NBAS: variants seen among roughly 807,000 people sequenced by gnomAD.
The protein encoded by NBAS is NAG/BC035112 fusion.
NBAS carries 219 observed loss-of-function variants against 302.5 expected under a neutral mutation model. That is an observed-to-expected ratio of 0.72 (90% CI 0.65 to 0.81). The LOEUF (loss-of-function observed/expected upper bound fraction) is 0.81. Among genes scored for constraint, NBAS ranks in the 30% least tolerant of loss-of-function variants. The pLI is 0.00. For missense variants in NBAS, 2,932 were observed against 2,841.6 expected (o/e 1.03, Z -0.72); for synonymous variants, 1,118 against 1,021.6 (o/e 1.09, Z -1.80).
At chr2:15,069,043 A>C in the NBAS span, among the ~76,000 whole-genome samples, 1 of 151,882 alleles carries the variant, frequency 6.6e-6, no homozygotes, top group Non-Finnish European at 1.5e-5. Context: ...CACCGGTCCT[A>C]CTCCCATGAC....
At chr2:15,113,694 G>A in the NBAS span, among the ~76,000 whole-genome samples, 3 of 151,892 alleles carry the variant, frequency 2.0e-5, no homozygotes, top group Admixed American at 1.3e-4. Flanking sequence ...ATTATCTTTA[G>A]AGGATTCTTT....
At chr2:15,467,941 A>G in intron 17 of NBAS, 137 bp from the exon 18 acceptor site, 4 of 798,526 alleles carry the variant, frequency 5.0e-6, no homozygotes. Context: ...AACTTTTGCC[A>G]TTGTAAACAA....
intron 12 of NBAS, among the ~76,000 whole-genome samples, chr2:15,487,970 A>T (rs746352314): frequency 3.9e-5 from 6 of 152,212 alleles, no homozygotes; most frequent in Non-Finnish European, 5.9e-5. Context: ...TAAAACAAAT[A>T]AATTTAAACC....
chr2:15,343,518 C>A (rs1373946000), intron 35 of NBAS, among the ~76,000 whole-genome samples: 1 of 152,080 alleles, frequency 6.6e-6, no homozygotes, highest in Non-Finnish European at 1.5e-5. Context: ...CATTTGCCAT[C>A]TTTGTGTGTA....
the NBAS span, among the ~76,000 whole-genome samples, chr2:14,975,623 C>T: frequency 6.6e-6 from 1 of 152,134 alleles, no homozygotes; most frequent in Admixed American, 6.5e-5. Context: ...GAGTCACTCA[C>T]AAAAAACACT....
chr2:15,461,209 G>T lies in NBAS; in HGVS notation c.2331C>A (p.Pro777=). The T allele has an allele frequency of 6.2e-7, 1 of 1,613,360 alleles. No homozygotes were observed. Among genetic ancestry groups the T allele is most frequent in the Non-Finnish European group, 8.5e-7 (1 of 1,179,648 alleles). Residue 777 remains proline (P), a synonymous_variant, in exon 21 of 52, where the codon CCC becomes CCA. Coordinates refer to ENST00000281513, the MANE Select transcript of NBAS (RefSeq NM_015909.4). ...TSPHEYSVLL[P]EACFNGDSLM... ...TTAACATAGTCACATACCAAGCTTC[G>T]GGCAGCAAAACAGAATATTCATGTG...
the NBAS span, among the ~76,000 whole-genome samples, chr2:15,152,011 C>T: frequency 6.6e-6 from 1 of 152,068 alleles, no homozygotes; most frequent in Non-Finnish European, 1.5e-5. Context: ...CCATGCCCAC[C>T]TAATTTTTGC....
chr2:15,280,088 C>G (rs1015684867), intron 42 of NBAS, among the ~76,000 whole-genome samples: 6 of 152,120 alleles, frequency 3.9e-5, no homozygotes, highest in African/African-American at 1.4e-4. Flanking sequence ...GATTAACTAA[C>G]AGAAGAAGCC....
At chr2:15,252,508 TAAATAAA>T (rs565719833) in intron 44 of NBAS, among the ~76,000 whole-genome samples, 2 of 148,582 alleles carry the variant, frequency 1.3e-5, no homozygotes, top group East Asian at 3.9e-4. Context: ...CAAAAATAAA[TAAATAAA>T]AAATAAAATA....
At chr2:15,316,588 G>T (rs745378799) in intron 38 of NBAS, among the ~76,000 whole-genome samples, 2 of 152,226 alleles carry the variant, frequency 1.3e-5, no homozygotes, top group African/African-American at 4.8e-5. Flanking sequence ...TGCCTGGCTC[G>T]GCGGGTCCCA....
intron 44 of NBAS, among the ~76,000 whole-genome samples, chr2:15,269,786 C>A (rs776361337): frequency 2.0e-5 from 3 of 152,166 alleles, no homozygotes; most frequent in Admixed American, 6.5e-5. Context: ...AGTTTTAATG[C>A]GACAGGGTAC....
chr2:15,107,469 T>C, the NBAS span, among the ~76,000 whole-genome samples: 1 of 152,074 alleles, frequency 6.6e-6, no homozygotes, highest in East Asian at 1.9e-4. Flanking sequence ...ATATTGAAAG[T>C]TGGAAGCTGG....
intron 30 of NBAS, among the ~76,000 whole-genome samples, chr2:15,378,829 C>T (rs1674884083): frequency 6.6e-6 from 1 of 152,104 alleles, no homozygotes; most frequent in African/African-American, 2.4e-5. Flanking sequence ...GTCTGTAAAC[C>T]ACTTTTCTGA....
chr2:15,122,114 A>G, the NBAS span, among the ~76,000 whole-genome samples: 1 of 151,332 alleles, frequency 6.6e-6, no homozygotes, highest in African/African-American at 2.4e-5. Flanking sequence ...GGTATGACGG[A>G]TGGAGGACTC....
chr2:15,191,151 T>G (rs1324134339), intron 48 of NBAS, among the ~76,000 whole-genome samples: 1 of 152,166 alleles, frequency 6.6e-6, no homozygotes, highest in Non-Finnish European at 1.5e-5. Context: ...CAGCATAGAT[T>G]GTTTATATTT....
chr2:14,813,146 C>G, the NBAS span, among the ~76,000 whole-genome samples: 4,946 of 152,184 alleles, frequency 0.033, 252 homozygotes, highest in African/African-American at 0.11. Flanking sequence ...TCAGGTAGTT[C>G]TTTATAGCAG....
intron 12 of NBAS, among the ~76,000 whole-genome samples, chr2:15,480,769 TTTTG>T (rs1165703233): frequency 7.9e-5 from 12 of 152,318 alleles, no homozygotes; most frequent in African/African-American, 2.6e-4. Context: ...TTATCTTGAT[TTTTG>T]TTTGTTTGGG....
intron 23 of NBAS, 94 bp from the exon 24 acceptor site, chr2:15,417,806 A>C: frequency 8.1e-7 from 1 of 1,230,736 alleles, no homozygotes; most frequent in African/African-American, 1.5e-5. Context: ...AATTCTTATA[A>C]TCATTTTTTA....
At chr2:14,961,531 A>T in the NBAS span, among the ~76,000 whole-genome samples, 1 of 152,200 alleles carries the variant, frequency 6.6e-6, no homozygotes, top group Admixed American at 6.5e-5. Flanking sequence ...CCCTCAGCAG[A>T]TGCAGATGCC....
Sources: allele counts gnomAD v4.1 joint callset (sites outside exome capture counted in the v4.1 genomes callset), GRCh38; gene constraint gnomAD v4.1.1; transcripts MANE v1.5; gene names NCBI Gene and HGNC (gene_info 2026-07-23, HGNC 2026-07-21).